TTLL11: variants seen among roughly 807,000 people sequenced by gnomAD.
TTLL11 encodes tubulin polyglutamylase TTLL11.
TTLL11 carries 42 observed loss-of-function variants against 51.7 expected under a neutral mutation model. That is an observed-to-expected ratio of 0.81 (90% confidence interval 0.64 to 1.05). The LOEUF (loss-of-function observed/expected upper bound fraction) is 1.05, where lower values mean the gene tolerates loss of function less well. TTLL11 is among the 50% of genes least tolerant of loss of function. TTLL11 has a pLI of 0.00. For missense variants in TTLL11, 799 were observed against 940.4 expected (o/e 0.85, Z 1.97); for synonymous variants, 381 against 383.5 (o/e 0.99, Z 0.08).
At chr9:121,878,250 A>C (rs1199473076) in intron 6 of TTLL11, among the ~76,000 whole-genome samples, 1 of 152,110 alleles carries the variant, frequency 6.6e-6, no homozygotes, top group Non-Finnish European at 1.5e-5. Context: ...AGGACTCAAA[A>C]CAGGCTTTCC....
At position 122,032,942 on chromosome 9, in the gene TTLL11, G is replaced by A. The variant is rs371298275; in HGVS notation, c.560-1086C>T. Among the ~76,000 whole-genome samples, 468 of 151,790 alleles carry A rather than the reference G, an allele frequency of 3.1e-3. 5 individuals carry two copies. Among genetic ancestry groups the A allele is most frequent in the African/African-American group, 0.011 (451 of 41,392 alleles). ...CTCGAGTAGCTGGGACTACAGGTGT[G>A]TGCCACCATGCCCGGCTAATTTTTG... On this transcript the variant is annotated intron_variant, in intron 2 of 8. Coordinates refer to ENST00000321582, the MANE Select transcript of TTLL11 (RefSeq NM_001139442.2).
At chr9:121,923,951 A>C (rs1840627293) in intron 6 of TTLL11, among the ~76,000 whole-genome samples, 1 of 152,132 alleles carries the variant, frequency 6.6e-6, no homozygotes, top group Non-Finnish European at 1.5e-5. Flanking sequence ...TAATTGAATC[A>C]TGGCTGCCAT....
At chr9:122,010,260 C>T (rs1448321482) in intron 3 of TTLL11, among the ~76,000 whole-genome samples, 7 of 152,186 alleles carry the variant, frequency 4.6e-5, no homozygotes, top group East Asian at 1.9e-4. Context: ...AAAACCATGT[C>T]GACTCCCTCC....
chr9:122,084,205 T>C (rs77841077), intron 1 of TTLL11, among the ~76,000 whole-genome samples: 5,522 of 152,220 alleles, frequency 0.036, 153 homozygotes, highest in South Asian at 0.057. Context: ...CAGGGAAGAC[T>C]ACACAGGAGA....
In TTLL11 at chr9:121,891,276, T is replaced by C. The variant is rs4557771; in HGVS notation, c.1482-20528A>G. Among the ~76,000 whole-genome samples the C allele has an allele frequency of 6.0e-3, 913 of 151,922 alleles. 9 individuals are homozygous for C. The highest frequency in any genetic ancestry group is 0.021 in the African/African-American group (881 of 41,400). ...TGAAAAACACGAGCAACCTTGAGAGTCTCCACTGCTTCAACCTGAAACAAT... is the reference window on the plus strand; with the variant it reads ...TGAAAAACACGAGCAACCTTGAGAGCCTCCACTGCTTCAACCTGAAACAAT... On this transcript the variant is annotated intron_variant, in intron 6 of 8. Coordinates refer to ENST00000321582, the MANE Select transcript of TTLL11 (RefSeq NM_001139442.2).
chr9:121,826,271 C>T (rs1424844939), intron 8 of TTLL11, among the ~76,000 whole-genome samples: 1 of 105,244 alleles, frequency 9.5e-6, no homozygotes, highest in Non-Finnish European at 1.8e-5. Flanking sequence ...ATGGGTAAAA[C>T]CCATATATAT....
intron 6 of TTLL11, among the ~76,000 whole-genome samples, chr9:121,886,907 A>G (rs1839030989): frequency 6.6e-6 from 1 of 152,228 alleles, no homozygotes; most frequent in Non-Finnish European, 1.5e-5. Context: ...GTTTAACTTC[A>G]GAACCCACGA....
chr9:121,857,352 G>A (rs537235539), intron 8 of TTLL11, among the ~76,000 whole-genome samples: 10 of 152,186 alleles, frequency 6.6e-5, no homozygotes, highest in Admixed American at 1.3e-4. Flanking sequence ...AGCCCTGGAT[G>A]GGGGGAGAGC....
At chr9:121,926,830 T>C (rs1415679822) in intron 6 of TTLL11, among the ~76,000 whole-genome samples, 1 of 152,148 alleles carries the variant, frequency 6.6e-6, no homozygotes, top group African/African-American at 2.4e-5. Flanking sequence ...ATAGCTGGGG[T>C]GGCACAGAAA....
At chr9:121,893,227 GAC>G (rs1411783899) in intron 6 of TTLL11, among the ~76,000 whole-genome samples, 2 of 152,012 alleles carry the variant, frequency 1.3e-5, no homozygotes, top group African/African-American at 4.8e-5. Flanking sequence ...CCAAAAAGCA[GAC>G]AAAGAGGGAA....
chr9:121,951,693 A>G (rs770435181), intron 6 of TTLL11, among the ~76,000 whole-genome samples: 1 of 152,220 alleles, frequency 6.6e-6, no homozygotes. Context: ...CCAGACTCCA[A>G]GAGAGGTTTC....
intron 1 of TTLL11, among the ~76,000 whole-genome samples, chr9:122,091,500 C>T (rs1846257928): frequency 6.6e-6 from 1 of 152,208 alleles, no homozygotes; most frequent in Non-Finnish European, 1.5e-5. Flanking sequence ...ACCTGGAAGT[C>T]GGTTCTGCCT....
intron 4 of TTLL11, among the ~76,000 whole-genome samples, chr9:121,980,181 C>T (rs748210723): frequency 1.4e-5 from 2 of 145,920 alleles, no homozygotes; most frequent in East Asian, 3.9e-4. Context: ...GCCAGGGGGG[C>T]CTTTCTTTTT....
chr9:121,952,450 A>AAG (rs1487107352), intron 6 of TTLL11, among the ~76,000 whole-genome samples: 3 of 151,618 alleles, frequency 2.0e-5, no homozygotes, highest in Non-Finnish European at 4.4e-5. Flanking sequence ...GCCTCAAAAA[A>AAG]AAAAAAAAAA....
At chr9:121,950,659 C>A (rs1841824569) in intron 6 of TTLL11, among the ~76,000 whole-genome samples, 1 of 152,080 alleles carries the variant, frequency 6.6e-6, no homozygotes, top group African/African-American at 2.4e-5. Flanking sequence ...AAAATGTGGT[C>A]TGGGGTGAGA....
chr9:121,864,072 C>T (rs1838103339), intron 7 of TTLL11, among the ~76,000 whole-genome samples: 1 of 152,164 alleles, frequency 6.6e-6, no homozygotes, highest in South Asian at 2.1e-4. Flanking sequence ...CTGTGGTTAC[C>T]AAACATTCTC....
chr9:121,826,932 G>C (rs1191789851), intron 8 of TTLL11, among the ~76,000 whole-genome samples: 1 of 151,948 alleles, frequency 6.6e-6, no homozygotes, highest in African/African-American at 2.4e-5. Context: ...GCCTGCCACA[G>C]GACAGGCTGG....
chr9:121,900,833 G>T (rs1037061062), intron 6 of TTLL11, among the ~76,000 whole-genome samples: 5 of 152,142 alleles, frequency 3.3e-5, no homozygotes, highest in Non-Finnish European at 7.3e-5. Flanking sequence ...TTTTGAGATA[G>T]GGTCTCACTC....
At chr9:121,866,273 C>G (rs539023906) in intron 7 of TTLL11, among the ~76,000 whole-genome samples, 12 of 152,238 alleles carry the variant, frequency 7.9e-5, no homozygotes, top group Admixed American at 2.0e-4. Context: ...TTAAATTTAG[C>G]CGGCAAGACT....
Sources: gnomAD v4.1 joint callset for allele counts (sites outside exome capture counted in the v4.1 genomes callset) on GRCh38, gnomAD v4.1.1 for gene constraint, MANE v1.5 for transcripts, NCBI Gene and HGNC (gene_info 2026-07-23, HGNC 2026-07-21) for gene names.